Variants in GRIK4 observed in about 807,000 individuals in gnomAD.
The protein encoded by GRIK4 is glutamate ionotropic receptor kainate type subunit 4.
GRIK4 carries 40 observed loss-of-function variants against 104.9 expected under a neutral mutation model. The observed-to-expected ratio is 0.38, with a 90% CI of 0.30 to 0.50. The LOEUF (loss-of-function observed/expected upper bound fraction) is 0.50. GRIK4 is among the 20% of genes least tolerant of loss of function. The pLI, the probability that GRIK4 is intolerant of heterozygous loss-of-function variation, is 0.93. For synonymous variants in GRIK4, 485 were observed against 524.9 expected (o/e 0.92, Z 1.04); for missense variants, 1,047 against 1,308.1 (o/e 0.80, Z 3.08).
chr11:120,747,860 GCA>G (rs564369378), intron 3 of GRIK4, among the ~76,000 whole-genome samples: 6 of 152,220 alleles, frequency 3.9e-5, no homozygotes, highest in African/African-American at 1.4e-4. Flanking sequence ...GCAAACCTAT[GCA>G]CACACACACC....
intron 1 of GRIK4, among the ~76,000 whole-genome samples, chr11:120,512,836 C>G (rs1387980644): frequency 6.6e-6 from 1 of 151,992 alleles, no homozygotes; most frequent in Non-Finnish European, 1.5e-5. Context: ...GGAGTTGGAG[C>G]CTGGGGAGAG....
chr11:120,721,368 A>G (rs542919289), intron 3 of GRIK4, among the ~76,000 whole-genome samples: 2 of 152,320 alleles, frequency 1.3e-5, no homozygotes, highest in East Asian at 3.9e-4. Context: ...GCAATGTTTT[A>G]AAGTATTGTG....
At chr11:120,682,664 A>G (rs537274272) in intron 3 of GRIK4, among the ~76,000 whole-genome samples, 2 of 151,448 alleles carry the variant, frequency 1.3e-5, no homozygotes. Flanking sequence ...TGCATTTTGA[A>G]CCATATTCCC....
chr11:120,556,412 G>A (rs1948186139), intron 1 of GRIK4, among the ~76,000 whole-genome samples: 1 of 152,098 alleles, frequency 6.6e-6, no homozygotes, highest in Non-Finnish European at 1.5e-5. Context: ...CCAGAGTAAA[G>A]CTTTTAAAAT....
intron 19 of GRIK4, among the ~76,000 whole-genome samples, chr11:120,974,236 C>T (rs900535973): frequency 1.3e-4 from 20 of 152,204 alleles, no homozygotes; most frequent in African/African-American, 4.1e-4. Context: ...CACCAAGAAT[C>T]GAGACCTAGG....
At chr11:120,566,909 A>G (rs936819902) in intron 1 of GRIK4, among the ~76,000 whole-genome samples, 5 of 147,730 alleles carry the variant, frequency 3.4e-5, no homozygotes, top group African/African-American at 1.3e-4. Flanking sequence ...GGGTCTCACC[A>G]TGTTGGCCAG....
chr11:120,791,089 A>C (rs1199079050), intron 3 of GRIK4, among the ~76,000 whole-genome samples: 2 of 152,192 alleles, frequency 1.3e-5, no homozygotes, highest in Admixed American at 6.5e-5. Flanking sequence ...TGATAGTCAA[A>C]AATTAATGTT....
intron 11 of GRIK4, among the ~76,000 whole-genome samples, chr11:120,875,869 G>T (rs1027591994): frequency 6.6e-6 from 1 of 152,044 alleles, no homozygotes; most frequent in Non-Finnish European, 1.5e-5. Flanking sequence ...ATCTGAAAGG[G>T]ATCTGACTTT....
At chr11:120,716,433 G>A (rs1313461938) in intron 3 of GRIK4, among the ~76,000 whole-genome samples, 1 of 152,108 alleles carries the variant, frequency 6.6e-6, no homozygotes, top group Non-Finnish European at 1.5e-5. Flanking sequence ...TAGTAGAGAT[G>A]AGGTTTCACC....
chr11:120,809,343 T>C (rs1952779944), intron 4 of GRIK4, among the ~76,000 whole-genome samples: 1 of 152,128 alleles, frequency 6.6e-6, no homozygotes, highest in Admixed American at 6.5e-5. Context: ...GGTAAACGCA[T>C]CTCCCTCCCT....
At chr11:120,811,102 G>C (rs1268519871) in intron 4 of GRIK4, among the ~76,000 whole-genome samples, 2 of 152,204 alleles carry the variant, frequency 1.3e-5, no homozygotes, top group Non-Finnish European at 2.9e-5. Context: ...AATATGTACA[G>C]AGTATGTTCT....
At chr11:120,948,004 C>T (rs893528025) in intron 14 of GRIK4, among the ~76,000 whole-genome samples, 1 of 152,194 alleles carries the variant, frequency 6.6e-6, no homozygotes, top group African/African-American at 2.4e-5. Flanking sequence ...TAATTACTTG[C>T]TTCCTTTTTT....
intron 1 of GRIK4, among the ~76,000 whole-genome samples, chr11:120,595,092 C>G (rs1948784960): frequency 6.6e-6 from 1 of 152,218 alleles, no homozygotes; most frequent in Non-Finnish European, 1.5e-5. Context: ...ATGGTTCCAG[C>G]CACATTTAGG....
chr11:120,531,570 T>A (rs1422506675), intron 1 of GRIK4, among the ~76,000 whole-genome samples: 2 of 151,154 alleles, frequency 1.3e-5, no homozygotes, highest in African/African-American at 4.9e-5. Context: ...TGCCTGTTTC[T>A]TTTTTCTTTT....
intron 3 of GRIK4, among the ~76,000 whole-genome samples, chr11:120,705,925 C>G (rs1262691722): frequency 6.6e-6 from 1 of 152,152 alleles, no homozygotes; most frequent in East Asian, 1.9e-4. Flanking sequence ...CTGGGATTTT[C>G]TGGAGGCCCC....
intron 8 of GRIK4, among the ~76,000 whole-genome samples, chr11:120,855,934 G>A (rs889840974): frequency 6.6e-6 from 1 of 152,264 alleles, no homozygotes; most frequent in Non-Finnish European, 1.5e-5. Context: ...CAAACAAAGA[G>A]GAAGAGAAAG....
intron 19 of GRIK4, among the ~76,000 whole-genome samples, chr11:120,977,394 G>A (rs2134783370): frequency 6.6e-6 from 1 of 152,328 alleles, no homozygotes; most frequent in African/African-American, 2.4e-5. Flanking sequence ...GCTGGAGGGA[G>A]TCCACATCAA....
intron 3 of GRIK4, among the ~76,000 whole-genome samples, chr11:120,672,738 G>A (rs776836216): frequency 3.4e-4 from 51 of 152,142 alleles, no homozygotes; most frequent in Non-Finnish European, 6.8e-4. Context: ...TCTATTATTG[G>A]TGTTTAGGAA....
chr11:120,611,384 C>G (rs1054385343), intron 1 of GRIK4, among the ~76,000 whole-genome samples: 1 of 152,146 alleles, frequency 6.6e-6, no homozygotes, highest in Non-Finnish European at 1.5e-5. Flanking sequence ...TCACTTGCAT[C>G]CTGAACACAC....
Sources: gnomAD v4.1 joint callset for allele counts (sites outside exome capture counted in the v4.1 genomes callset) on GRCh38, gnomAD v4.1.1 for gene constraint, MANE v1.5 for transcripts, NCBI Gene and HGNC (gene_info 2026-07-23, HGNC 2026-07-21) for gene names.